The following PCDH15 variants were observed in gnomAD, a reference collection of about 807,000 sequenced individuals.
The protein encoded by PCDH15 is protocadherin related 15.
A neutral mutation model predicts 178.5 loss-of-function variants in PCDH15; 129 were observed. The ratio of observed to expected loss-of-function variants is 0.72; its 90% CI spans 0.63 to 0.84. The LOEUF (loss-of-function observed/expected upper bound fraction) is 0.84, where lower values mean the gene tolerates loss of function less well. Ranked by LOEUF, PCDH15 falls within the 40% of genes least tolerant of loss-of-function variation. The probability of loss-of-function intolerance (pLI) is 0.00; values close to 1 mark genes in which losing one functional copy is unlikely to be tolerated. For missense variants in PCDH15, 2,230 were observed against 2,099.9 expected, an observed-to-expected ratio of 1.06 and a Z score of -1.21; for synonymous variants, 800 against 732.0, an observed-to-expected ratio of 1.09 and a Z score of -1.50.
intron 13 of PCDH15, among the ~76,000 whole-genome samples, chr10:54,166,268 C>T (rs12251774): frequency 0.31 from 47,859 of 152,010 alleles, 8,130 homozygotes; most frequent in African/African-American, 0.43. Flanking sequence ...AATTTAACAA[C>T]TCAATAATTG....
At chr10:55,538,339 T>C (rs1237387494) in intron 2 of PCDH15, among the ~76,000 whole-genome samples, 2 of 152,222 alleles carry the variant, frequency 1.3e-5, no homozygotes, top group Non-Finnish European at 2.9e-5. Flanking sequence ...GAGTTTTTCA[T>C]AGACAAAAAT....
At chr10:53,991,582 G>C (rs558677094) in intron 21 of PCDH15, among the ~76,000 whole-genome samples, 46 of 150,110 alleles carry the variant, frequency 3.1e-4, no homozygotes, top group Admixed American at 2.0e-3. Context: ...GAGAACTTTT[G>C]TGTCTAGCTA....
At chr10:54,577,913 C>T (rs1215272821) in intron 2 of PCDH15, among the ~76,000 whole-genome samples, 1 of 151,926 alleles carries the variant, frequency 6.6e-6, no homozygotes, top group Non-Finnish European at 1.5e-5. Context: ...TTCCAAGAGG[C>T]ATCTGGCAGT....
chr10:54,334,437 A>C (rs1422909411), intron 6 of PCDH15, among the ~76,000 whole-genome samples: 1 of 152,172 alleles, frequency 6.6e-6, no homozygotes, highest in Admixed American at 6.5e-5. Context: ...GGTTTGCACC[A>C]GTTTAGATAA....
rs541350930 is a variant in PCDH15 at position 54,725,168 on chromosome 10, C to A, written c.-28-60878G>T. Among the ~76,000 whole-genome samples, 124 of 151,168 alleles carry A rather than the reference C, an allele frequency of 8.2e-4. 2 individuals carry two copies. The Middle Eastern group carries it at 0.017, about 21-fold the overall frequency. On this transcript the variant is annotated intron_variant, in intron 1 of 37. Transcript: ENST00000644397. ...AGCCATTCTGAAAAATAAATTACAC[C>A]AATAATGGATTCCAATACTTTAACC... is the stretch of plus-strand genomic sequence containing the variant.
chr10:55,073,221 T>C (rs1841797550), intron 2 of PCDH15, among the ~76,000 whole-genome samples: 1 of 151,900 alleles, frequency 6.6e-6, no homozygotes, highest in Admixed American at 6.6e-5. Flanking sequence ...CCACTCCTAT[T>C]CAACATAGTG....
chr10:55,023,028 G>A (rs954609965), intron 2 of PCDH15, among the ~76,000 whole-genome samples: 6 of 152,042 alleles, frequency 3.9e-5, no homozygotes, highest in South Asian at 4.2e-4. Flanking sequence ...TGCAAGCTCC[G>A]CCTCCCAAAT....
In PCDH15 at chr10:55,105,531, A is replaced by C. The variant is rs554987318; in HGVS notation, c.-80+61045T>G. Among the ~76,000 whole-genome samples the C allele has an allele frequency of 7.2e-5, 11 of 152,288 alleles. No individual in the cohort carries two copies. In the South Asian group the frequency reaches 2.3e-3, roughly 32 times the overall value. ...TGCTTTTGTCACAGGAACTTTTTTA[A>C]GCCCGATATTTTACGTTTATTTAAT... is the stretch of plus-strand genomic sequence containing the variant. On this transcript the variant is annotated intron_variant, in intron 2 of 5. Transcript: ENST00000458638.
Position 53,805,113 on chromosome 10 carries a change from A to G in PCDH15, c.*1466T>C, listed in dbSNP as rs1053389889. 7 of 152,058 alleles carry G rather than the reference A, an allele frequency of 4.6e-5. No individual in the cohort carries two copies. The East Asian group carries it at 7.7e-4, about 17-fold the overall frequency. 9.4% of individuals were successfully genotyped at this position (152,058 alleles called of 1,614,324 possible). A position where few individuals can be genotyped will look rare whatever the true frequency, so the allele number is the denominator to read the frequency against. ...GTACAATTCATTCACTTTGGAAATG[A>G]GGAAATAGCATAATAATAAACAATT... On this transcript the variant is annotated 3_prime_UTR_variant, in exon 38 of 38. Coordinates refer to ENST00000644397, the MANE Select transcript of PCDH15 (RefSeq NM_001384140.1).
At chr10:54,639,881 T>C (rs1727182948) in intron 2 of PCDH15, among the ~76,000 whole-genome samples, 1 of 152,158 alleles carries the variant, frequency 6.6e-6, no homozygotes, top group Non-Finnish European at 1.5e-5. Context: ...AACAATGTAC[T>C]TTCCTGATAT....
chr10:54,273,801 A>T (rs1291327737), intron 8 of PCDH15, among the ~76,000 whole-genome samples: 1 of 151,892 alleles, frequency 6.6e-6, no homozygotes. Context: ...TAACAGCCAC[A>T]CTCCTGAACC....
chr10:54,600,708 A>C (rs1481867911), intron 2 of PCDH15: 1 of 544,482 alleles, frequency 1.8e-6, no homozygotes, highest in Non-Finnish European at 3.5e-6. Context: ...GCAAAAGTTT[A>C]AGCCATACGA....
At chr10:54,016,144 A>G (rs1177199695) in intron 20 of PCDH15, among the ~76,000 whole-genome samples, 1 of 152,062 alleles carries the variant, frequency 6.6e-6, no homozygotes, top group Non-Finnish European at 1.5e-5. Flanking sequence ...AGACATACAT[A>G]TGGTGAACAA....
At chr10:53,998,826 C>T (rs768957990) in intron 20 of PCDH15, among the ~76,000 whole-genome samples, 10 of 151,628 alleles carry the variant, frequency 6.6e-5, no homozygotes, top group African/African-American at 1.2e-4. Context: ...CTGAGGTGGG[C>T]GGATCACCCA....
chr10:55,150,800 C>A (rs994902408), intron 2 of PCDH15, among the ~76,000 whole-genome samples: 1 of 152,076 alleles, frequency 6.6e-6, no homozygotes, highest in South Asian at 2.1e-4. Context: ...AAAGAAAATA[C>A]AAGCAGTGAG....
chr10:54,450,898 CAGTT>C (rs2076441507), intron 3 of PCDH15, among the ~76,000 whole-genome samples: 2 of 151,764 alleles, frequency 1.3e-5, no homozygotes, highest in African/African-American at 2.4e-5. Flanking sequence ...CCAAAGTTAT[CAGTT>C]AGATTTATTA....
intron 2 of PCDH15, among the ~76,000 whole-genome samples, chr10:54,962,414 C>A (rs189825900): frequency 9.3e-4 from 142 of 152,306 alleles, no homozygotes; most frequent in Non-Finnish European, 1.6e-3. Flanking sequence ...TATCTCCCCC[C>A]ATTTGCCACA....
chr10:53,901,580 A>G (rs549106572), intron 26 of PCDH15, among the ~76,000 whole-genome samples: 1 of 152,304 alleles, frequency 6.6e-6, no homozygotes, highest in South Asian at 2.1e-4. Flanking sequence ...ATCTTTTTAT[A>G]TTGGATGATG....
At chr10:55,467,459 C>A (rs996725294) in intron 2 of PCDH15, among the ~76,000 whole-genome samples, 2 of 146,394 alleles carry the variant, frequency 1.4e-5, no homozygotes, top group South Asian at 2.2e-4. Context: ...AAAATATCTA[C>A]AAAATGAATA....
Sources: gnomAD v4.1 joint callset for allele counts (sites outside exome capture counted in the v4.1 genomes callset) on GRCh38, gnomAD v4.1.1 for gene constraint, MANE v1.5 for transcripts, NCBI Gene and HGNC (gene_info 2026-07-23, HGNC 2026-07-21) for gene names.